Variants in TFDP2 observed in about 807,000 individuals in gnomAD.
The protein encoded by TFDP2 is transcription factor Dp-2.
Under a neutral mutation model 59.3 loss-of-function variants are expected in TFDP2, and 17 were observed. That is an observed-to-expected ratio of 0.29 (90% CI 0.20 to 0.43). The LOEUF (loss-of-function observed/expected upper bound fraction) is 0.43. Ranked by LOEUF, TFDP2 falls within the 20% of genes least tolerant of loss-of-function variation. The pLI is 1.00. For synonymous variants in TFDP2, 180 were observed against 194.7 expected (o/e 0.92, Z 0.63); for missense variants, 391 against 528.8 (o/e 0.74, Z 2.56).
At chr3:142,004,161 CTA>C (rs1944039068) in intron 4 of TFDP2, among the ~76,000 whole-genome samples, 1 of 152,126 alleles carries the variant, frequency 6.6e-6, no homozygotes, top group African/African-American at 2.4e-5. Flanking sequence ...GCTTAAATCT[CTA>C]TGAGGTTTGG....
chr3:142,014,157 G>T (rs1431078162), intron 3 of TFDP2, among the ~76,000 whole-genome samples: 2 of 152,070 alleles, frequency 1.3e-5, no homozygotes, highest in Non-Finnish European at 1.5e-5. Flanking sequence ...TGGTTTGTTT[G>T]TTTTGAGACA....
At chr3:142,070,020 C>T (rs2060193515) in intron 3 of TFDP2, among the ~76,000 whole-genome samples, 1 of 151,966 alleles carries the variant, frequency 6.6e-6, no homozygotes, top group South Asian at 2.1e-4. Flanking sequence ...ATTCTCCTGC[C>T]TCAGCCTCCT....
intron 6 of TFDP2, chr3:141,989,363 A>C (rs943128905): frequency 3.3e-5 from 5 of 152,234 alleles, no homozygotes; most frequent in African/African-American, 1.2e-4. Context: ...ATTTGCTGCT[A>C]AGCAGACAAG....
chr3:142,098,649 T>C (rs760689396), intron 2 of TFDP2, among the ~76,000 whole-genome samples: 5 of 152,136 alleles, frequency 3.3e-5, no homozygotes, highest in Non-Finnish European at 5.9e-5. Flanking sequence ...CTCACACCTG[T>C]AATCCTAGCA....
In TFDP2 at chr3:142,052,485, C is replaced by T. The variant is rs1448473334; in HGVS notation, c.82+40576G>A. 3.3e-5 allele frequency among the ~76,000 whole-genome samples: 5 copies of T among 152,004 alleles called. No individual in the cohort carries two copies. The South Asian group carries it at 6.2e-4, about 19-fold the overall frequency. On this transcript the variant is annotated intron_variant, in intron 3 of 12. Transcript: ENST00000489671. ...GCGTGAACCCAGGAGACGGAGCTTGCAGTGAGTGGAGATCGAGCGGAGATC... is the reference window on the plus strand; with the variant it reads ...GCGTGAACCCAGGAGACGGAGCTTGTAGTGAGTGGAGATCGAGCGGAGATC...
chr3:142,031,075 C>T (rs1429581522), intron 3 of TFDP2, among the ~76,000 whole-genome samples: 6 of 152,146 alleles, frequency 3.9e-5, no homozygotes, highest in African/African-American at 1.4e-4. Context: ...AGAGCACCCC[C>T]CCGGCCCTCC....
At chr3:142,074,511 G>A (rs192433620) in intron 3 of TFDP2, among the ~76,000 whole-genome samples, 4 of 151,922 alleles carry the variant, frequency 2.6e-5, no homozygotes, top group East Asian at 2.0e-4. Context: ...CTGGAAGTGC[G>A]AGACCAACCT....
Position 141,963,796 on chromosome 3 carries a change from C to T in TFDP2, c.884+16G>A. The T allele has an allele frequency of 6.2e-7, 1 of 1,608,300 alleles. No individual in the cohort carries two copies. The highest frequency in any genetic ancestry group is 8.5e-7 in the Non-Finnish European group (1 of 1,177,554). ...CAGAAGGCCAGCCCTGCACCCATCC[C>T]TAGTTCTCCACTCACTTGTCACTGG... On this transcript the variant is annotated intron_variant, in intron 10 of 12. Transcript: ENST00000489671.
At chr3:142,060,903 T>C (rs1031491662) in intron 3 of TFDP2, among the ~76,000 whole-genome samples, 1 of 152,234 alleles carries the variant, frequency 6.6e-6, no homozygotes, top group Non-Finnish European at 1.5e-5. Flanking sequence ...GTTATCAACT[T>C]ACTTATTTGT....
intron 11 of TFDP2, among the ~76,000 whole-genome samples, chr3:141,954,157 T>C (rs1448046883): frequency 3.3e-5 from 5 of 150,952 alleles, no homozygotes; most frequent in Non-Finnish European, 7.4e-5. Context: ...CGAAACTCCA[T>C]CTCAAAAAAT....
chr3:142,010,637 T>C lies in TFDP2; in HGVS notation c.83-5093A>G, dbSNP rs551194166. Among the ~76,000 whole-genome samples, 523 of 137,992 alleles carry C rather than the reference T, an allele frequency of 3.8e-3. 1 individual carries two copies. The highest frequency in any genetic ancestry group is 0.013 in the African/African-American group (495 of 37,388). 90.5% of individuals were successfully genotyped at this position (137,992 alleles called of 152,430 possible). ...AAAAAAAAAAAAAAAAAACCTACCATCAGAGTGAACAGGCAACCTACAAAA... is the reference window on the plus strand; with the variant it reads ...AAAAAAAAAAAAAAAAAACCTACCACCAGAGTGAACAGGCAACCTACAAAA... On this transcript the variant is annotated intron_variant, in intron 3 of 12. Transcript: ENST00000489671.
chr3:141,985,976 A>C (rs977418448), intron 6 of TFDP2, among the ~76,000 whole-genome samples: 1 of 152,208 alleles, frequency 6.6e-6, no homozygotes, highest in African/African-American at 2.4e-5. Flanking sequence ...AACGTGGAGA[A>C]ACTGGAATAC....
At chr3:141,976,807 C>A (rs1940705494) in intron 7 of TFDP2, among the ~76,000 whole-genome samples, 2 of 146,064 alleles carry the variant, frequency 1.4e-5, no homozygotes. Context: ...GCCTAGAGAA[C>A]ATGAAAAGAA....
At chr3:142,103,275 T>C (rs187636851) in intron 1 of TFDP2, among the ~76,000 whole-genome samples, 5 of 151,092 alleles carry the variant, frequency 3.3e-5, no homozygotes, top group Admixed American at 6.6e-5. Context: ...AAAAAAAGAC[T>C]AAAAACATAT....
At chr3:142,129,193 G>A (rs2062396342) in intron 1 of TFDP2, among the ~76,000 whole-genome samples, 2 of 151,884 alleles carry the variant, frequency 1.3e-5, no homozygotes, top group South Asian at 4.2e-4. Flanking sequence ...AATGGACAGG[G>A]GAGGCTGGTT....
chr3:142,073,238 T>C (rs1448434229), intron 3 of TFDP2, among the ~76,000 whole-genome samples: 4 of 152,058 alleles, frequency 2.6e-5, no homozygotes, highest in Non-Finnish European at 5.9e-5. Flanking sequence ...CCCAGTTAAT[T>C]TTTAAAAATG....
intron 6 of TFDP2, among the ~76,000 whole-genome samples, chr3:141,993,032 T>C (rs1942931528): frequency 6.6e-6 from 1 of 151,850 alleles, no homozygotes; most frequent in South Asian, 2.1e-4. Flanking sequence ...TTATGATTTA[T>C]AAATGTTTTA....
chr3:142,037,561 A>C (rs1446247906), intron 3 of TFDP2, among the ~76,000 whole-genome samples: 3 of 152,234 alleles, frequency 2.0e-5, no homozygotes, highest in African/African-American at 7.2e-5. Context: ...AGGCTCACAT[A>C]ATACCCATAA....
chr3:141,963,260 A>G (rs1937551461), intron 10 of TFDP2, among the ~76,000 whole-genome samples: 1 of 152,232 alleles, frequency 6.6e-6, no homozygotes, highest in South Asian at 2.1e-4. Flanking sequence ...GCCATAATGA[A>G]TATTATCATT....
Sources: allele counts gnomAD v4.1 joint callset (sites outside exome capture counted in the v4.1 genomes callset), GRCh38; gene constraint gnomAD v4.1.1; transcripts MANE v1.5; gene names NCBI Gene and HGNC (gene_info 2026-07-23, HGNC 2026-07-21).